The following JAZF1 variants were observed in gnomAD, a reference collection of about 807,000 sequenced individuals.
JAZF1 encodes the protein JAZF zinc finger 1, also known as juxtaposed with another zinc finger protein 1.
A neutral mutation model predicts 26.4 loss-of-function variants in JAZF1; 8 were observed. The ratio of observed to expected loss-of-function variants is 0.30; its 90% CI spans 0.18 to 0.55. The LOEUF (loss-of-function observed/expected upper bound fraction) is 0.55. Among genes scored for constraint, JAZF1 ranks in the 20% least tolerant of loss-of-function variants. The pLI is 0.94. For missense variants in JAZF1, 199 were observed against 322.0 expected (o/e 0.62, Z 2.92); for synonymous variants, 126 against 122.3 (o/e 1.03, Z -0.20).
chr7:28,105,505 CAG>C (rs932403339), intron 1 of JAZF1, among the ~76,000 whole-genome samples: 2 of 152,162 alleles, frequency 1.3e-5, no homozygotes, highest in African/African-American at 4.8e-5. Context: ...CAGGAATGCG[CAG>C]AGTTGATAGG....
At chr7:28,109,116 G>A (rs766265977) in intron 1 of JAZF1, among the ~76,000 whole-genome samples, 2 of 152,158 alleles carry the variant, frequency 1.3e-5, no homozygotes, top group Non-Finnish European at 2.9e-5. Flanking sequence ...GTTATAAGAT[G>A]AATAATTCTG....
At chr7:28,089,525 C>T (rs1264337489) in intron 1 of JAZF1, among the ~76,000 whole-genome samples, 1 of 152,106 alleles carries the variant, frequency 6.6e-6, no homozygotes, top group Admixed American at 6.5e-5. Context: ...AACTGGTTAA[C>T]GCGTAGAGAG....
At chr7:27,868,637 T>C (rs544730482) in intron 3 of JAZF1, among the ~76,000 whole-genome samples, 1 of 152,308 alleles carries the variant, frequency 6.6e-6, no homozygotes, top group Non-Finnish European at 1.5e-5. Context: ...GGCACTCAGA[T>C]TTCCCTGTTG....
At chr7:28,067,027 C>A (rs1783894507) in intron 1 of JAZF1, among the ~76,000 whole-genome samples, 2 of 152,162 alleles carry the variant, frequency 1.3e-5, no homozygotes, top group Admixed American at 6.5e-5. Flanking sequence ...CTCCTTTGTA[C>A]CTGCCTACCC....
At chr7:28,143,658 C>T (rs186919954) in intron 1 of JAZF1, among the ~76,000 whole-genome samples, 13 of 152,292 alleles carry the variant, frequency 8.5e-5, no homozygotes, top group African/African-American at 2.4e-4. Flanking sequence ...GATGGACCTA[C>T]GCCCAGTCTT....
At chr7:27,847,155 T>C (rs1260106530) in intron 3 of JAZF1, among the ~76,000 whole-genome samples, 14 of 72,970 alleles carry the variant, frequency 1.9e-4, no homozygotes, top group Admixed American at 4.5e-4. Context: ...TTTTTTCTTT[T>C]TTTTTTTTTT....
intron 1 of JAZF1, chr7:28,020,597 A>G (rs1052618578): frequency 2.1e-6 from 1 of 471,284 alleles, no homozygotes; most frequent in South Asian, 1.5e-5. Flanking sequence ...TACAACAACC[A>G]TGTCTTCATT....
intron 1 of JAZF1, among the ~76,000 whole-genome samples, chr7:28,015,100 A>G (rs1256897577): frequency 6.6e-6 from 1 of 151,756 alleles, no homozygotes; most frequent in Non-Finnish European, 1.5e-5. Context: ...ACATTTTAAC[A>G]AGTCCCATGC....
At chr7:27,837,779 G>A (rs960693027) in intron 4 of JAZF1, among the ~76,000 whole-genome samples, 6 of 152,196 alleles carry the variant, frequency 3.9e-5, no homozygotes, top group Admixed American at 1.3e-4. Flanking sequence ...GGACTCTTTA[G>A]CCGAAGGCAG....
intron 2 of JAZF1, among the ~76,000 whole-genome samples, chr7:27,935,858 CA>C (rs141921642): frequency 0.03 from 4,493 of 152,224 alleles, 220 homozygotes; most frequent in African/African-American, 0.1. Flanking sequence ...GAAACAATGA[CA>C]AGTTGGTGAG....
At chr7:27,846,350 C>CATATACGTGTACGTAT in intron 3 of JAZF1, among the ~76,000 whole-genome samples, 1 of 151,512 alleles carries the variant, frequency 6.6e-6, no homozygotes, top group African/African-American at 2.4e-5. Context: ...TATATATACA[C>CATATACGTGTACGTAT]GTATACGTGT....
intron 1 of JAZF1, among the ~76,000 whole-genome samples, chr7:28,001,283 T>C (rs1420524061): frequency 2.0e-5 from 3 of 151,816 alleles, no homozygotes; most frequent in Admixed American, 6.6e-5. Context: ...ACACGGGAGA[T>C]AGAGGTTGCA....
At chr7:28,034,713 A>C (rs1265324678) in intron 1 of JAZF1, among the ~76,000 whole-genome samples, 1 of 152,230 alleles carries the variant, frequency 6.6e-6, no homozygotes, top group African/African-American at 2.4e-5. Flanking sequence ...GAATCTGAAC[A>C]CAAGTCTTTT....
intron 1 of JAZF1, chr7:28,071,504 G>T (rs563975432): frequency 4.7e-5 from 20 of 424,072 alleles, no homozygotes; most frequent in African/African-American, 4.2e-4. Flanking sequence ...GAACCATTTG[G>T]AAAGATTTTG....
At position 28,039,770 on chromosome 7, in the gene JAZF1, G is replaced by A. The variant is rs1279640400; in HGVS notation, c.116-47789C>T. On this transcript the variant is annotated intron_variant, in intron 1 of 4. Coordinates refer to ENST00000283928, the MANE Select transcript of JAZF1 (RefSeq NM_175061.4). ...TTAATTTAAAATTCAACGTGTATAT[G>A]TCTCCTTCCCCCCGCCCCAAGGATA... Among the ~76,000 whole-genome samples the A allele has an allele frequency of 3.3e-5, 5 of 152,174 alleles. No homozygotes were observed. The East Asian group carries it at 9.7e-4, about 29-fold the overall frequency.
intron 3 of JAZF1, among the ~76,000 whole-genome samples, chr7:27,884,977 C>T (rs573501742): frequency 6.6e-6 from 1 of 152,150 alleles, no homozygotes; most frequent in South Asian, 2.1e-4. Context: ...CTGCTCCCCT[C>T]TCCCCTCAGA....
At chr7:28,072,266 GACTTGAA>G (rs1466812717) in intron 1 of JAZF1, among the ~76,000 whole-genome samples, 7 of 152,190 alleles carry the variant, frequency 4.6e-5, no homozygotes, top group Non-Finnish European at 7.3e-5. Context: ...GTGTAAAACT[GACTTGAA>G]ACAAACTTCT....
chr7:27,934,391 C>T (rs13223609), intron 2 of JAZF1, among the ~76,000 whole-genome samples: 10 of 151,950 alleles, frequency 6.6e-5, no homozygotes, highest in Non-Finnish European at 1.0e-4. Context: ...ATAGCACCAC[C>T]TAAAGGGCAT....
chr7:28,110,353 G>A (rs1784622377), intron 1 of JAZF1, among the ~76,000 whole-genome samples: 1 of 151,476 alleles, frequency 6.6e-6, no homozygotes, highest in African/African-American at 2.4e-5. Flanking sequence ...TTGAACCTGG[G>A]AGGCAGAGGT....
Sources: allele counts gnomAD v4.1 joint callset (sites outside exome capture counted in the v4.1 genomes callset), GRCh38; gene constraint gnomAD v4.1.1; transcripts MANE v1.5; gene names NCBI Gene and HGNC (gene_info 2026-07-23, HGNC 2026-07-21).